IRF2: variants seen among roughly 807,000 people sequenced by gnomAD.
IRF2 encodes the protein interferon regulatory factor 2.
IRF2 carries 15 observed loss-of-function variants against 40.6 expected under a neutral mutation model. The observed-to-expected ratio is 0.37, with a 90% CI of 0.25 to 0.57. The LOEUF (loss-of-function observed/expected upper bound fraction) is 0.57. Ranked by LOEUF, IRF2 falls within the 20% of genes least tolerant of loss-of-function variation. The pLI is 0.77. For synonymous variants in IRF2, 151 were observed against 165.5 expected, an observed-to-expected ratio of 0.91 and a Z score of 0.67; for missense variants, 317 against 455.7, an observed-to-expected ratio of 0.70 and a Z score of 2.77.
chr4:184,433,123 C>T lies in IRF2; in HGVS notation c.-6-4053G>A, dbSNP rs150509987. 5.8e-3 allele frequency among the ~76,000 whole-genome samples: 890 copies of T among 152,168 alleles called. 3 individuals carry two copies. The highest frequency in any genetic ancestry group is 0.01 in the Non-Finnish European group (704 of 68,010). ...CACGATCTAAGACTGAAGAGGAAAC[C>T]GAAGGATTTTAGCAAAAGAATGATA... On this transcript the variant is annotated intron_variant, in intron 1 of 8. Coordinates refer to ENST00000393593, the MANE Select transcript of IRF2 (RefSeq NM_002199.4).
At chr4:184,447,524 C>T (rs1466888006) in intron 1 of IRF2, among the ~76,000 whole-genome samples, 1 of 152,134 alleles carries the variant, frequency 6.6e-6, no homozygotes, top group African/African-American at 2.4e-5. Flanking sequence ...AAATGGGATA[C>T]TTACATAGCC....
chr4:184,427,580 G>C (rs1433421796), intron 2 of IRF2, among the ~76,000 whole-genome samples: 1 of 152,134 alleles, frequency 6.6e-6, no homozygotes, highest in Non-Finnish European at 1.5e-5. Flanking sequence ...CAGAGGCAGA[G>C]GTTACAGTGA....
intron 1 of IRF2, among the ~76,000 whole-genome samples, chr4:184,470,594 A>G (rs2149921229): frequency 6.6e-6 from 1 of 151,940 alleles, no homozygotes; most frequent in East Asian, 1.9e-4. Flanking sequence ...GGGAAGCTGA[A>G]GCACAGGAAT....
chr4:184,469,726 T>C (rs1739452343), intron 1 of IRF2, among the ~76,000 whole-genome samples: 1 of 152,184 alleles, frequency 6.6e-6, no homozygotes, highest in East Asian at 1.9e-4. Flanking sequence ...ACAATTTGTT[T>C]CAGAGACAGT....
chr4:184,459,258 C>T (rs773083094), intron 1 of IRF2, among the ~76,000 whole-genome samples: 3 of 152,158 alleles, frequency 2.0e-5, no homozygotes, highest in African/African-American at 4.8e-5. Flanking sequence ...TCTCACAAGA[C>T]ATTTCTGGAT....
chr4:184,424,673 C>A (rs1737605283), intron 2 of IRF2, among the ~76,000 whole-genome samples: 1 of 152,210 alleles, frequency 6.6e-6, no homozygotes, highest in South Asian at 2.1e-4. Flanking sequence ...GACTTCTCAG[C>A]CTCCATAACT....
intron 7 of IRF2, among the ~76,000 whole-genome samples, chr4:184,395,081 G>A (rs1370648986): frequency 6.6e-6 from 1 of 152,158 alleles, no homozygotes; most frequent in Non-Finnish European, 1.5e-5. Flanking sequence ...GCAAACAGCA[G>A]CCTCCAAATA....
intron 7 of IRF2, among the ~76,000 whole-genome samples, chr4:184,393,520 G>T (rs1299183702): frequency 6.6e-6 from 1 of 152,204 alleles, no homozygotes; most frequent in Non-Finnish European, 1.5e-5. Context: ...TCAGATCCTG[G>T]GGTAAGGCTC....
chr4:184,418,381 T>C, intron 4 of IRF2, 151 bp downstream of exon 4: 1 of 966,254 alleles, frequency 1.0e-6, no homozygotes, highest in Non-Finnish European at 1.6e-6. Flanking sequence ...TCGAAAGTCT[T>C]GTTTCCAAGC....
chr4:184,464,971 G>A (rs553132757), intron 1 of IRF2, among the ~76,000 whole-genome samples: 7 of 152,132 alleles, frequency 4.6e-5, no homozygotes, highest in South Asian at 2.1e-4. Flanking sequence ...TGTCACCTAA[G>A]GGTCAAGGTT....
chr4:184,459,222 C>T (rs1056648200), intron 1 of IRF2, among the ~76,000 whole-genome samples: 2 of 152,132 alleles, frequency 1.3e-5, no homozygotes, highest in Admixed American at 6.5e-5. Flanking sequence ...AAATCCACTA[C>T]CATATTCAAG....
chr4:184,453,949 C>T (rs1738822025), intron 1 of IRF2, among the ~76,000 whole-genome samples: 1 of 152,180 alleles, frequency 6.6e-6, no homozygotes, highest in Non-Finnish European at 1.5e-5. Context: ...ACTCAAAGAG[C>T]CAGCATACTG....
chr4:184,464,513 C>T (rs918887072), intron 1 of IRF2, among the ~76,000 whole-genome samples: 3 of 152,106 alleles, frequency 2.0e-5, no homozygotes, highest in Non-Finnish European at 2.9e-5. Flanking sequence ...GACATGAAGA[C>T]AGGGAATGTT....
At chr4:184,457,995 CTGGAGAGTGGTCCA>C (rs936958084) in intron 1 of IRF2, among the ~76,000 whole-genome samples, 2 of 152,182 alleles carry the variant, frequency 1.3e-5, no homozygotes, top group African/African-American at 4.8e-5. Context: ...TCCAGCCACC[CTGGAGAGTGGTCCA>C]TGCACCAGGA....
chr4:184,397,000 C>T (rs1330677032), intron 7 of IRF2, among the ~76,000 whole-genome samples: 1 of 152,152 alleles, frequency 6.6e-6, no homozygotes, highest in Non-Finnish European at 1.5e-5. Flanking sequence ...GAGCATGGTT[C>T]CCAGGGCACA....
At position 184,429,088 on chromosome 4, in the gene IRF2, C is replaced by G; in HGVS notation, c.-6-18G>C. On this transcript the variant is annotated intron_variant, in intron 1 of 8. Coordinates refer to ENST00000393593, the MANE Select transcript of IRF2 (RefSeq NM_002199.4). The stretch of plus-strand genomic sequence containing the variant: ...ATGGTGCCCTTGAGGGAGAGAAACA[C>G]AGCGTCAGGCGTTGGTGCCACTCAG... 1.2e-6 allele frequency: 2 copies of G among 1,605,110 alleles called. No individual in the cohort carries two copies. Among genetic ancestry groups the G allele is most frequent in the Non-Finnish European group, 1.7e-6 (2 of 1,172,054 alleles).
intron 1 of IRF2, among the ~76,000 whole-genome samples, chr4:184,473,012 T>A (rs905968405): frequency 6.6e-6 from 1 of 152,036 alleles, no homozygotes; most frequent in Non-Finnish European, 1.5e-5. Flanking sequence ...CCCTTGGAAC[T>A]TGGAACGGCT....
At chr4:184,450,082 C>T (rs9685033) in intron 1 of IRF2, among the ~76,000 whole-genome samples, 50,694 of 152,052 alleles carry the variant, frequency 0.33, 10,317 homozygotes, top group Admixed American at 0.45. Context: ...CAAGATAATG[C>T]GGTACACATA....
chr4:184,402,917 G>A (rs183424725), intron 6 of IRF2, among the ~76,000 whole-genome samples: 41 of 152,238 alleles, frequency 2.7e-4, no homozygotes, highest in Admixed American at 5.9e-4. Flanking sequence ...GAATTTTACC[G>A]TATTTCACTT....
Sources: allele counts gnomAD v4.1 joint callset (sites outside exome capture counted in the v4.1 genomes callset), GRCh38; gene constraint gnomAD v4.1.1; transcripts MANE v1.5; gene names NCBI Gene and HGNC (gene_info 2026-07-23, HGNC 2026-07-21).